The following PRKD1 variants were observed in gnomAD, a reference collection of about 807,000 sequenced individuals.
PRKD1 encodes protein kinase D1.
PRKD1 carries 63 observed loss-of-function variants against 95.9 expected under a neutral mutation model. The ratio of observed to expected loss-of-function variants is 0.66; its 90% CI spans 0.54 to 0.81. The LOEUF is 0.81. Ranked by LOEUF, PRKD1 falls within the 30% of genes least tolerant of loss-of-function variation. The pLI is 0.00. For missense variants in PRKD1, 1,048 were observed against 1,165.3 expected, an observed-to-expected ratio of 0.90 and a Z score of 1.47; for synonymous variants, 425 against 423.1, an observed-to-expected ratio of 1.00 and a Z score of -0.05.
Position 29,670,189 on chromosome 14 carries a change from C to G in PRKD1, c.404-3981G>C, listed in dbSNP as rs550008296. Among the ~76,000 whole-genome samples the G allele has an allele frequency of 2.4e-4, 37 of 152,206 alleles. No homozygotes were observed. The East Asian group carries it at 5.4e-3, about 22-fold the overall frequency. ...TTTATGTTATGTGTTATTAATATAT[C>G]TAGAACCTCCTAGGTAATATAGTAT... On this transcript the variant is annotated intron_variant, in intron 2 of 17. Coordinates refer to ENST00000331968, the MANE Select transcript of PRKD1 (RefSeq NM_002742.3).
At position 29,634,576 on chromosome 14, in the gene PRKD1, T is replaced by C. The variant is rs763631910; in HGVS notation, c.1191-35A>G. The C allele has an allele frequency of 4.3e-6, 7 of 1,612,540 alleles. No homozygotes were observed. The East Asian group carries it at 1.3e-4, about 31-fold the overall frequency. ...TCAAAATATTGTAGGGAAAAAATGT[T>C]TTCAGGTACATTTTATGTATTTTCA... is the stretch of plus-strand genomic sequence containing the variant. On this transcript the variant is annotated intron_variant, in intron 7 of 17. Transcript: ENST00000331968.
intron 13 of PRKD1, among the ~76,000 whole-genome samples, chr14:29,605,772 C>T (rs192957543): frequency 1.8e-3 from 277 of 152,306 alleles, no homozygotes; most frequent in Admixed American, 4.5e-3. Context: ...AGAGTCTCTA[C>T]GTCTCCTTAC....
intron 1 of PRKD1, among the ~76,000 whole-genome samples, chr14:29,735,526 G>T (rs961629278): frequency 1.3e-5 from 2 of 152,146 alleles, no homozygotes; most frequent in African/African-American, 4.8e-5. Context: ...AATAGCTGGA[G>T]AGAAAGATGA....
chr14:29,630,538 TAATAA>T, intron 10 of PRKD1, 199 bp downstream of exon 10: 1 of 621,236 alleles, frequency 1.6e-6, no homozygotes. Flanking sequence ...AAAATAGCTA[TAATAA>T]AATAGGATAA....
chr14:29,688,115 C>T (rs1883989772), intron 2 of PRKD1, among the ~76,000 whole-genome samples: 1 of 152,158 alleles, frequency 6.6e-6, no homozygotes, highest in South Asian at 2.1e-4. Context: ...GCCTTTCCAG[C>T]TTTTGCATTT....
intron 1 of PRKD1, among the ~76,000 whole-genome samples, chr14:29,796,007 C>A (rs150146312): frequency 1.3e-5 from 2 of 152,210 alleles, no homozygotes; most frequent in East Asian, 3.9e-4. Context: ...AAATGCTATA[C>A]TCTTCTTTCA....
At position 29,927,752 on chromosome 14, in the gene PRKD1, C is replaced by G. The variant is rs1465313200; in HGVS notation, c.-240G>C. 5.4e-6 allele frequency: 1 copy of G among 186,128 alleles called. No homozygotes were observed. Among genetic ancestry groups the G allele is most frequent in the African/African-American group, 2.4e-5 (1 of 42,192 alleles). The allele number at this position is 186,128 out of a possible 1,614,324, so 11.5% of individuals were successfully genotyped here. ...GGCCGAGGCGGGAGGACTCTGAGGC[C>G]CGGAACGCGGCAGCCGGCTCGGGGC... On this transcript the variant is annotated 5_prime_UTR_variant, in exon 1 of 18. Coordinates refer to ENST00000331968, the MANE Select transcript of PRKD1 (RefSeq NM_002742.3).
chr14:29,837,204 T>A (rs1891643676), intron 1 of PRKD1, among the ~76,000 whole-genome samples: 1 of 152,108 alleles, frequency 6.6e-6, no homozygotes, highest in African/African-American at 2.4e-5. Flanking sequence ...CATAAGGTGT[T>A]TTTTTTAAAG....
At chr14:29,600,175 T>A (rs962301041) in intron 13 of PRKD1, among the ~76,000 whole-genome samples, 1 of 152,180 alleles carries the variant, frequency 6.6e-6, no homozygotes, top group Non-Finnish European at 1.5e-5. Context: ...CTAGGCTATT[T>A]ATATACAATT....
intron 4 of PRKD1, chr14:29,656,471 C>T (rs768307626): frequency 7.8e-6 from 12 of 1,534,290 alleles, no homozygotes; most frequent in Non-Finnish European, 1.0e-5. Context: ...AGCATTAGTA[C>T]CTACCTCAAA....
At chr14:29,672,589 G>A (rs1203121365) in intron 2 of PRKD1, among the ~76,000 whole-genome samples, 1 of 151,946 alleles carries the variant, frequency 6.6e-6, no homozygotes, top group Admixed American at 6.6e-5. Flanking sequence ...AGTGATGGAA[G>A]AAATCAAATG....
chr14:29,919,990 GAGGAAGGAAGGTAGGAAGGAAGGAGGGA>G (rs1895032419), intron 1 of PRKD1, among the ~76,000 whole-genome samples: 5 of 144,470 alleles, frequency 3.5e-5, no homozygotes, highest in Admixed American at 7.2e-5. Flanking sequence ...GAGAGAAAGA[GAGGAAGGAAGGTAGGAAGGAAGGAGGGA>G]AGGAAGGAAG....
At chr14:29,622,777 C>A (rs1879364630) in intron 13 of PRKD1, among the ~76,000 whole-genome samples, 4 of 152,154 alleles carry the variant, frequency 2.6e-5, no homozygotes, top group Admixed American at 2.0e-4. Flanking sequence ...AATTAAAAGG[C>A]CTAGACACAG....
At chr14:29,623,392 G>A (rs987349578) in intron 13 of PRKD1, among the ~76,000 whole-genome samples, 7 of 151,524 alleles carry the variant, frequency 4.6e-5, no homozygotes, top group Non-Finnish European at 7.4e-5. Context: ...TCCGTTTTGC[G>A]AAAAAAAATT....
At chr14:29,579,912 G>A (rs998008506) in intron 16 of PRKD1, among the ~76,000 whole-genome samples, 7 of 152,200 alleles carry the variant, frequency 4.6e-5, no homozygotes, top group African/African-American at 1.7e-4. Context: ...ATAGTTCTGT[G>A]AACTGCGTAT....
chr14:29,769,298 G>A (rs1888399465), intron 1 of PRKD1, among the ~76,000 whole-genome samples: 1 of 152,112 alleles, frequency 6.6e-6, no homozygotes, highest in South Asian at 2.1e-4. Flanking sequence ...GCCAGGTGTG[G>A]TGGCTCACAC....
chr14:29,881,969 T>A (rs1435287244), intron 1 of PRKD1, among the ~76,000 whole-genome samples: 3 of 152,188 alleles, frequency 2.0e-5, no homozygotes, highest in Non-Finnish European at 2.9e-5. Context: ...AGTTTTATAG[T>A]TTTTTAGCAT....
At chr14:29,767,625 T>G (rs1040136145) in intron 1 of PRKD1, among the ~76,000 whole-genome samples, 2 of 152,196 alleles carry the variant, frequency 1.3e-5, no homozygotes, top group African/African-American at 2.4e-5. Context: ...CAGTGTTCTC[T>G]TCAAACTAAA....
intron 2 of PRKD1, among the ~76,000 whole-genome samples, chr14:29,691,716 G>A (rs1212446191): frequency 1.3e-5 from 2 of 152,250 alleles, no homozygotes; most frequent in East Asian, 3.9e-4. Context: ...TCTCCTACTA[G>A]GGCTGGTGCT....
Sources: gnomAD v4.1 joint callset for allele counts (sites outside exome capture counted in the v4.1 genomes callset) on GRCh38, gnomAD v4.1.1 for gene constraint, MANE v1.5 for transcripts, NCBI Gene and HGNC (gene_info 2026-07-23, HGNC 2026-07-21) for gene names.